CLTCL1: variants seen among roughly 807,000 people sequenced by gnomAD.
CLTCL1 encodes the protein clathrin heavy chain like 1.
CLTCL1 carries 159 observed loss-of-function variants against 190.0 expected under a neutral mutation model. The observed-to-expected ratio is 0.84, with a 90% confidence interval of 0.74 to 0.95. The LOEUF (loss-of-function observed/expected upper bound fraction) is 0.95, where lower values mean the gene tolerates loss of function less well. Among genes scored for constraint, CLTCL1 ranks in the 40% least tolerant of loss-of-function variants. The pLI, the probability that CLTCL1 is intolerant of heterozygous loss-of-function variation, is 0.00. For synonymous variants in CLTCL1, 752 were observed against 769.6 expected (o/e 0.98, Z 0.38); for missense variants, 1,878 against 2,033.4 (o/e 0.92, Z 1.47).
chr22:19,282,560 T>G (rs1343927171), intron 1 of CLTCL1, among the ~76,000 whole-genome samples: 3 of 140,762 alleles, frequency 2.1e-5, no homozygotes, highest in Admixed American at 7.3e-5. Context: ...ACCCAGGAGG[T>G]GGAGGCTGCA....
intron 29 of CLTCL1, chr22:19,183,976 G>C: frequency 2.9e-6 from 1 of 348,676 alleles, no homozygotes; most frequent in East Asian, 6.1e-5. Context: ...TGGAGCGTGT[G>C]ACACCAGGGG....
intron 11 of CLTCL1, among the ~76,000 whole-genome samples, chr22:19,229,101 A>G (rs2085842105): frequency 6.6e-6 from 1 of 152,242 alleles, no homozygotes; most frequent in Admixed American, 6.5e-5. Context: ...TATGCCCAAA[A>G]GAATTAAAGC....
chr22:19,272,660 G>C (rs199586720), intron 2 of CLTCL1, among the ~76,000 whole-genome samples: 2 of 151,992 alleles, frequency 1.3e-5, no homozygotes, highest in Admixed American at 1.3e-4. Flanking sequence ...TAGTAGAGAG[G>C]AGGTTACTCC....
chr22:19,258,441 G>T, intron 2 of CLTCL1: 1 of 418,758 alleles, frequency 2.4e-6, no homozygotes, highest in Non-Finnish European at 4.6e-6. Flanking sequence ...CTTGGAGATT[G>T]GCCTGGACTT....
intron 1 of CLTCL1, among the ~76,000 whole-genome samples, chr22:19,291,023 T>C (rs2088096485): frequency 6.6e-6 from 1 of 152,194 alleles, no homozygotes; most frequent in African/African-American, 2.4e-5. Flanking sequence ...GGCCAGTCCT[T>C]ATGTTTCTGA....
At chr22:19,218,251 C>T (rs1312426514) in intron 18 of CLTCL1, among the ~76,000 whole-genome samples, 3 of 152,226 alleles carry the variant, frequency 2.0e-5, no homozygotes, top group Admixed American at 6.5e-5. Flanking sequence ...AAGTCACCTT[C>T]AAGGTGTACC....
chr22:19,254,586 C>T (rs73377873), intron 2 of CLTCL1, among the ~76,000 whole-genome samples: 1,920 of 152,240 alleles, frequency 0.013, 31 homozygotes, highest in African/African-American at 0.044. Context: ...ATAAGACACC[C>T]CTTCTCTGTG....
intron 1 of CLTCL1, among the ~76,000 whole-genome samples, chr22:19,290,239 T>C (rs1555992529): frequency 6.6e-6 from 1 of 152,208 alleles, no homozygotes; most frequent in Non-Finnish European, 1.5e-5. Context: ...GGGTTAGAAC[T>C]CAAGCTTTGT....
chr22:19,257,675 C>T, intron 2 of CLTCL1: 1 of 568,972 alleles, frequency 1.8e-6, no homozygotes, highest in South Asian at 1.6e-5. Context: ...TGTCCTGCTC[C>T]ACCAGTTTCC....
At chr22:19,210,216 A>G in intron 20 of CLTCL1, 110 bp downstream of exon 20, 1 of 1,031,952 alleles carries the variant, frequency 9.7e-7, no homozygotes, top group Non-Finnish European at 1.4e-6. Flanking sequence ...GAAGAGATGC[A>G]CTGGACAACC....
chr22:19,279,092 T>G (rs369738042), intron 1 of CLTCL1, among the ~76,000 whole-genome samples: 2 of 151,908 alleles, frequency 1.3e-5, no homozygotes, highest in Admixed American at 6.6e-5. Flanking sequence ...TCCTGAAAAA[T>G]AGAATAATAT....
At chr22:19,258,442 G>A (rs1601671644) in intron 2 of CLTCL1, 1 of 419,570 alleles carries the variant, frequency 2.4e-6, no homozygotes, top group Non-Finnish European at 4.6e-6. Context: ...TTGGAGATTG[G>A]CCTGGACTTG....
At chr22:19,254,261 C>T in intron 2 of CLTCL1, 34 bp from the exon 3 acceptor site, 2 of 1,555,488 alleles carry the variant, frequency 1.3e-6, no homozygotes, top group Non-Finnish European at 1.8e-6. Context: ...TAGAGAAAGA[C>T]AAATTAAAAA....
intron 4 of CLTCL1, among the ~76,000 whole-genome samples, 193 bp downstream of exon 4, chr22:19,242,582 C>T (rs986542154): frequency 2.6e-5 from 4 of 152,128 alleles, no homozygotes; most frequent in Admixed American, 1.3e-4. Flanking sequence ...CGTGAGCCAC[C>T]GCGCCCAGCC....
intron 19 of CLTCL1, among the ~76,000 whole-genome samples, chr22:19,210,997 T>G (rs1354515321): frequency 1.3e-5 from 2 of 152,148 alleles, no homozygotes; most frequent in African/African-American, 2.4e-5. Context: ...CCCCACAAAG[T>G]GCTGGGATTA....
At chr22:19,216,050 G>A (rs2085374602) in intron 19 of CLTCL1, 61 bp downstream of exon 19, 3 of 1,522,750 alleles carry the variant, frequency 2.0e-6, no homozygotes, top group South Asian at 2.3e-5. Flanking sequence ...AACAGAAGAT[G>A]AGTATCAAGC....
chr22:19,221,913 C>T (rs1555952688), intron 16 of CLTCL1, 38 bp downstream of exon 16: 2 of 1,607,502 alleles, frequency 1.2e-6, no homozygotes, highest in East Asian at 4.5e-5. Context: ...ACACTAGAAT[C>T]CAGGGGTAAG....
intron 22 of CLTCL1, among the ~76,000 whole-genome samples, chr22:19,202,651 C>G (rs1266364973): frequency 6.6e-6 from 1 of 151,330 alleles, no homozygotes; most frequent in Non-Finnish European, 1.5e-5. Context: ...CATGGCACCT[C>G]TTGTACCACC....
intron 10 of CLTCL1, among the ~76,000 whole-genome samples, chr22:19,230,912 C>T (rs938359437): frequency 6.6e-6 from 1 of 152,076 alleles, no homozygotes; most frequent in Non-Finnish European, 1.5e-5. Flanking sequence ...ATCTAATCGG[C>T]TGGGGGCACA....
Sources: allele counts gnomAD v4.1 joint callset (sites outside exome capture counted in the v4.1 genomes callset), GRCh38; gene constraint gnomAD v4.1.1; transcripts MANE v1.5; gene names NCBI Gene and HGNC (gene_info 2026-07-23, HGNC 2026-07-21).